DNAJC17: variants seen among roughly 807,000 people sequenced by gnomAD.
DNAJC17 encodes the protein DnaJ heat shock protein family (Hsp40) member C17.
A neutral mutation model predicts 48.1 loss-of-function variants in DNAJC17; 35 were observed. The observed-to-expected ratio is 0.73, with a 90% confidence interval of 0.56 to 0.96. The LOEUF (loss-of-function observed/expected upper bound fraction) is 0.96, where lower values mean the gene tolerates loss of function less well. DNAJC17 is among the 50% of genes least tolerant of loss of function. The probability of loss-of-function intolerance (pLI) is 0.00; values close to 1 mark genes in which losing one functional copy is unlikely to be tolerated. For synonymous variants in DNAJC17, 117 were observed against 142.7 expected, an observed-to-expected ratio of 0.82 and a Z score of 1.28; for missense variants, 355 against 377.1, an observed-to-expected ratio of 0.94 and a Z score of 0.48.
At chr15:40,802,573 C>T (rs1373709192) in intron 1 of DNAJC17, among the ~76,000 whole-genome samples, 1 of 152,102 alleles carries the variant, frequency 6.6e-6, no homozygotes, top group African/African-American at 2.4e-5. Flanking sequence ...GTAGTCTGAA[C>T]ACAAGTTAAA....
chr15:40,806,372 C>A (rs771376024), intron 1 of DNAJC17, among the ~76,000 whole-genome samples: 3 of 151,874 alleles, frequency 2.0e-5, no homozygotes, highest in Non-Finnish European at 4.4e-5. Flanking sequence ...GTGTGTGCCA[C>A]CACGCCCGGC....
In DNAJC17 at chr15:40,769,618, C is replaced by A. The variant is rs1404555592; in HGVS notation, c.793-1556G>T. ...AGGGCCTGACAGCGGGGCTGAGTCA[C>A]CCATACCAGCTACAGGTCTCTTCCT... On this transcript the variant is annotated intron_variant, in intron 10 of 10. Transcript: ENST00000220496. The surrounding 1 kb of genome is among the most constrained non-coding windows in gnomAD (Gnocchi z 4.2). Among the ~76,000 whole-genome samples the A allele has an allele frequency of 6.6e-6, 1 of 152,250 alleles. No homozygotes were observed. The highest frequency in any genetic ancestry group is 1.5e-5 in the Non-Finnish European group (1 of 68,044).
chr15:40,781,298 G>A (rs371120978), intron 1 of DNAJC17, among the ~76,000 whole-genome samples: 3 of 151,830 alleles, frequency 2.0e-5, no homozygotes, highest in African/African-American at 7.3e-5. Context: ...TCAGGAGTTC[G>A]AGACCAGCCT....
rs1889791456 is a variant in DNAJC17, at chr15:40,791,193, TAAAC to T, written c.79-11200_79-11197del. The stretch of plus-strand genomic sequence containing the variant: ...CCTCTAAAAAACCATAATAAATAAA[TAAAC>T]AAATAAATAATGTGGTAATATATTG... On this transcript the variant is annotated intron_variant, in intron 1 of 10. Transcript: ENST00000220496. Among the ~76,000 whole-genome samples the T allele has an allele frequency of 5.9e-5, 9 of 151,902 alleles. No homozygotes were observed. In the South Asian group the frequency reaches 1.9e-3, roughly 32 times the overall value.
intron 1 of DNAJC17, among the ~76,000 whole-genome samples, chr15:40,789,449 T>A (rs1437225476): frequency 1.3e-5 from 2 of 151,940 alleles, no homozygotes; most frequent in Non-Finnish European, 2.9e-5. Context: ...CCTCCTCAGA[T>A]ACCACCCTGC....
intron 4 of DNAJC17, 30 bp from the exon 5 acceptor site, chr15:40,776,657 C>T: frequency 6.2e-7 from 1 of 1,611,206 alleles, no homozygotes; most frequent in Non-Finnish European, 8.5e-7. Flanking sequence ...GACCAGACTG[C>T]TGGTCTGTTC....
intron 1 of DNAJC17, among the ~76,000 whole-genome samples, chr15:40,781,486 G>A (rs1020533881): frequency 6.6e-6 from 1 of 151,414 alleles, no homozygotes; most frequent in Non-Finnish European, 1.5e-5. Context: ...AGTGACAGAG[G>A]GAGACCTTGT....
At chr15:40,803,740 T>C (rs1465389346) in intron 1 of DNAJC17, among the ~76,000 whole-genome samples, 1 of 148,856 alleles carries the variant, frequency 6.7e-6, no homozygotes, top group African/African-American at 2.6e-5. Context: ...GTCTCCCTTG[T>C]ATGCGTGAAT....
intron 10 of DNAJC17, chr15:40,771,107 CCCAT>C: frequency 1.5e-6 from 2 of 1,295,556 alleles, no homozygotes; most frequent in Non-Finnish European, 2.1e-6. Flanking sequence ...GGACTCCAGG[CCCAT>C]CGCTGGAGGG....
intron 1 of DNAJC17, among the ~76,000 whole-genome samples, chr15:40,791,607 G>T (rs1453028099): frequency 1.3e-5 from 2 of 152,112 alleles, no homozygotes; most frequent in African/African-American, 4.8e-5. Flanking sequence ...CACTTTGGGA[G>T]GCTGAGGTGG....
chr15:40,790,478 C>T (rs1265007384), intron 1 of DNAJC17, among the ~76,000 whole-genome samples: 2 of 152,124 alleles, frequency 1.3e-5, no homozygotes, highest in Non-Finnish European at 2.9e-5. Context: ...ACTTGGGAAG[C>T]TGAGGTATGA....
rs1888924766 is a variant in DNAJC17 at position 40,765,320 on chromosome 15, C to G, written c.*2620G>C. ...ACATTTCTAATACCCCAAAAGGAAA[C>G]CCTGTACCCACTGGCAGACACTCTT... On this transcript the variant is annotated 3_prime_UTR_variant, in exon 11 of 11. Coordinates refer to ENST00000220496, the MANE Select transcript of DNAJC17 (RefSeq NM_018163.3). 1.3e-5 allele frequency: 2 copies of G among 152,356 alleles called. No individual in the cohort carries two copies. 9.4% of individuals were successfully genotyped at this position (152,356 alleles called of 1,614,324 possible).
intron 1 of DNAJC17, among the ~76,000 whole-genome samples, chr15:40,786,148 TG>T (rs1423426651): frequency 6.6e-6 from 1 of 152,242 alleles, no homozygotes; most frequent in Non-Finnish European, 1.5e-5. Context: ...GTCTCAATAT[TG>T]TTTATTATTA....
chr15:40,767,097 G>T lies in DNAJC17; in HGVS notation c.*843C>A. ...AGGCAGGGGGCGTGCACTTACCCCA[G>T]CGCCCAGCAAGCAGCCAGCAAGTGT... On this transcript the variant is annotated 3_prime_UTR_variant, in exon 11 of 11. Coordinates refer to ENST00000220496, the MANE Select transcript of DNAJC17 (RefSeq NM_018163.3). The T allele has an allele frequency of 1.1e-6, 1 of 934,472 alleles. No homozygotes were observed. The allele number at this position is 934,472 out of a possible 1,614,324, so 57.9% of individuals were successfully genotyped here. A position where few individuals can be genotyped will look rare whatever the true frequency, so the allele number is the denominator to read the frequency against.
chr15:40,774,249 G>T (rs1427042849), intron 9 of DNAJC17, 107 bp downstream of exon 9: 2 of 1,281,184 alleles, frequency 1.6e-6, no homozygotes, highest in Non-Finnish European at 2.2e-6. Flanking sequence ...CTGGCCTGGA[G>T]ATTCCCTAGG....
chr15:40,766,114 T>A lies in DNAJC17; in HGVS notation c.*1826A>T, dbSNP rs1173232849. The A allele has an allele frequency of 7.1e-6, 3 of 422,446 alleles. No homozygotes were observed. Among genetic ancestry groups the A allele is most frequent in the African/African-American group, 6.1e-5 (3 of 49,278 alleles). 26.2% of individuals were successfully genotyped at this position (422,446 alleles called of 1,614,324 possible). On this transcript the variant is annotated 3_prime_UTR_variant, in exon 11 of 11. Coordinates refer to ENST00000220496, the MANE Select transcript of DNAJC17 (RefSeq NM_018163.3). ...ACATCCCCCCTCTCCCCCACGAGGC[T>A]TGCTCTGAAAGCTTTCCACATCCTT...
rs1179899333 is a variant in DNAJC17 at position 40,768,037 on chromosome 15, T to G, written c.818A>C (p.Tyr273Ser). Reference protein sequence around the residue: ...SKGSVLSERDYESLVMMRMRQ... With the variant: ...SKGSVLSERDSESLVMMRMRQ... ...CATGCGCATCATGACGAGGCTCTCG[T>G]AGTCCCTCTCTGACAGCACTGAGCC... is the stretch of plus-strand genomic sequence containing the variant. Residue 273 changes from tyrosine (Y) to serine (S), a missense_variant, in exon 11 of 11, where the codon TAC becomes TCC. Coordinates refer to ENST00000220496, the MANE Select transcript of DNAJC17 (RefSeq NM_018163.3). 1.9e-6 allele frequency: 3 copies of G among 1,590,840 alleles called. No individual in the cohort carries two copies. Among genetic ancestry groups the G allele is most frequent in the Non-Finnish European group, 2.6e-6 (3 of 1,170,784 alleles).
At chr15:40,780,076 G>T in intron 1 of DNAJC17, 79 bp from the exon 2 acceptor site, 1 of 1,386,494 alleles carries the variant, frequency 7.2e-7, no homozygotes, top group East Asian at 2.3e-5. Context: ...AATGGGTAAG[G>T]GGAATCCCAT....
intron 1 of DNAJC17, among the ~76,000 whole-genome samples, chr15:40,783,239 A>C (rs1889551289): frequency 6.6e-6 from 1 of 152,184 alleles, no homozygotes. Context: ...AACAATACCA[A>C]AAACATTATA....
Sources: allele counts gnomAD v4.1 joint callset (sites outside exome capture counted in the v4.1 genomes callset), GRCh38; gene constraint gnomAD v4.1.1; non-coding constraint Gnocchi (gnomAD v3.1); transcripts MANE v1.5; gene names NCBI Gene and HGNC (gene_info 2026-07-23, HGNC 2026-07-21).